SLC12A2: variants seen among roughly 807,000 people sequenced by gnomAD.
The protein encoded by SLC12A2 is solute carrier family 12 member 2, also known as Na-K-2Cl cotransporter 1.
A neutral mutation model predicts 136.3 loss-of-function variants in SLC12A2; 67 were observed. That is an observed-to-expected ratio of 0.49 (90% CI 0.40 to 0.60). The LOEUF (loss-of-function observed/expected upper bound fraction) is 0.60. SLC12A2 is among the 20% of genes least tolerant of loss of function. The pLI, the probability that SLC12A2 is intolerant of heterozygous loss-of-function variation, is 0.00. For missense variants in SLC12A2, 1,322 were observed against 1,534.7 expected, an observed-to-expected ratio of 0.86 and a Z score of 2.32; for synonymous variants, 619 against 562.9, an observed-to-expected ratio of 1.10 and a Z score of -1.41.
At chr5:128,103,167 T>A (rs1760806731) in intron 1 of SLC12A2, among the ~76,000 whole-genome samples, 1 of 152,218 alleles carries the variant, frequency 6.6e-6, no homozygotes, top group African/African-American at 2.4e-5. Context: ...ATGCCCAAAC[T>A]TTTCTTTCAG....
intron 11 of SLC12A2, among the ~76,000 whole-genome samples, chr5:128,147,966 G>A (rs1048331291): frequency 1.3e-5 from 2 of 151,556 alleles, no homozygotes; most frequent in Admixed American, 6.6e-5. Flanking sequence ...CTTTTTAGAA[G>A]TGCTGATGGA....
intron 8 of SLC12A2, 39 bp downstream of exon 8, chr5:128,138,763 A>T: frequency 6.3e-7 from 1 of 1,599,954 alleles, no homozygotes; most frequent in Non-Finnish European, 8.5e-7. Context: ...ATATATTTTA[A>T]AAGTGGAATT....
intron 5 of SLC12A2, 91 bp downstream of exon 5, chr5:128,131,297 A>T (rs968813277): frequency 1.8e-5 from 23 of 1,255,130 alleles, no homozygotes; most frequent in Non-Finnish European, 2.5e-5. Context: ...GAAAGCAGTG[A>T]TATGATGACC....
At chr5:128,158,716 C>T (rs1762940256) in intron 16 of SLC12A2, among the ~76,000 whole-genome samples, 1 of 152,134 alleles carries the variant, frequency 6.6e-6, no homozygotes. Context: ...TGGATATATA[C>T]CCAATAATGG....
chr5:128,097,106 C>T (rs895505665), intron 1 of SLC12A2, among the ~76,000 whole-genome samples: 1 of 151,994 alleles, frequency 6.6e-6, no homozygotes, highest in African/African-American at 2.4e-5. Flanking sequence ...TTTTAAGAGT[C>T]TGAGGATTAA....
At chr5:128,102,468 T>A (rs1199121207) in intron 1 of SLC12A2, among the ~76,000 whole-genome samples, 1 of 152,054 alleles carries the variant, frequency 6.6e-6, no homozygotes, top group Non-Finnish European at 1.5e-5. Flanking sequence ...ATTAGTCAGT[T>A]TTTCCTGCTT....
chr5:128,165,293 A>G (rs1763166439), intron 17 of SLC12A2, among the ~76,000 whole-genome samples: 1 of 152,208 alleles, frequency 6.6e-6, no homozygotes, highest in Admixed American at 6.5e-5. Flanking sequence ...GGCAATAGCC[A>G]CCTGATTGTC....
intron 6 of SLC12A2, 33 bp from the exon 7 acceptor site, chr5:128,135,667 C>T (rs762117057): frequency 2.3e-6 from 3 of 1,310,756 alleles, no homozygotes. Flanking sequence ...AAACAAGATA[C>T]TTGATTTTAA....
chr5:128,175,195 C>T (rs1439034625), intron 20 of SLC12A2, among the ~76,000 whole-genome samples: 3 of 152,074 alleles, frequency 2.0e-5, no homozygotes, highest in Non-Finnish European at 4.4e-5. Flanking sequence ...CTGTAACATA[C>T]TTTTGATTCC....
At position 128,159,830 on chromosome 5, in the gene SLC12A2, C is replaced by T. The variant is rs529865203; in HGVS notation, c.2475+1666C>T. On this transcript the variant is annotated intron_variant, in intron 16 of 26. Coordinates refer to ENST00000262461, the MANE Select transcript of SLC12A2 (RefSeq NM_001046.3). The stretch of plus-strand genomic sequence containing the variant: ...TCAACCATTGTGGAAGACAGCGTGG[C>T]GATTCCTCAAGGATCTAGAACTAGA... Among the ~76,000 whole-genome samples the T allele has an allele frequency of 9.0e-4, 137 of 152,196 alleles. 1 individual carries two copies. The highest frequency in any genetic ancestry group is 3.2e-3 in the African/African-American group (131 of 41,532).
intron 4 of SLC12A2, among the ~76,000 whole-genome samples, chr5:128,119,624 G>C (rs1302841520): frequency 6.6e-6 from 1 of 152,114 alleles, no homozygotes; most frequent in Non-Finnish European, 1.5e-5. Flanking sequence ...GGTTACTGTA[G>C]CTTTGTAGTA....
At chr5:128,131,946 G>A (rs192182470) in intron 5 of SLC12A2, among the ~76,000 whole-genome samples, 216 of 152,254 alleles carry the variant, frequency 1.4e-3, no homozygotes, top group Non-Finnish European at 2.4e-3. Context: ...CAAAGGTTGC[G>A]GTGAGCCGAG....
chr5:128,178,512 A>G, intron 21 of SLC12A2, 55 bp from the exon 22 acceptor site: 1 of 1,360,416 alleles, frequency 7.4e-7, no homozygotes, highest in Non-Finnish European at 9.8e-7. Flanking sequence ...GAATTCAGCA[A>G]AAGGGACTTT....
intron 26 of SLC12A2, among the ~76,000 whole-genome samples, chr5:128,186,120 T>C (rs1763860326): frequency 6.6e-6 from 1 of 152,184 alleles, no homozygotes; most frequent in Non-Finnish European, 1.5e-5. Flanking sequence ...ATGCTTACCA[T>C]CGTGTTACAG....
chr5:128,176,151 G>A (rs939869695), intron 20 of SLC12A2, among the ~76,000 whole-genome samples: 15 of 152,018 alleles, frequency 9.9e-5, no homozygotes, highest in African/African-American at 3.6e-4. Flanking sequence ...CATGCAAGAA[G>A]TCAAAAAGAA....
intron 1 of SLC12A2, among the ~76,000 whole-genome samples, chr5:128,093,601 A>T (rs1760417836): frequency 6.6e-6 from 1 of 152,142 alleles, no homozygotes; most frequent in South Asian, 2.1e-4. Flanking sequence ...GAAACCTATG[A>T]GTCATCCTTG....
intron 1 of SLC12A2, among the ~76,000 whole-genome samples, chr5:128,106,198 A>G (rs773054101): frequency 2.0e-5 from 3 of 152,206 alleles, no homozygotes; most frequent in African/African-American, 4.8e-5. Context: ...TATGTTGCCA[A>G]TTTCTACTTT....
Position 128,084,231 on chromosome 5 carries a change from G to A in SLC12A2, c.277G>A (p.Ala93Thr). 2 of 1,277,168 alleles carry A rather than the reference G, an allele frequency of 1.6e-6. No individual in the cohort carries two copies. The highest frequency in any genetic ancestry group is 2.0e-6 in the Non-Finnish European group (2 of 1,022,120). 79.1% of individuals were successfully genotyped at this position (1,277,168 alleles called of 1,614,324 possible). Residue 93 changes from alanine to threonine, a missense_variant, in exon 1 of 27, where the codon GCC (alanine) becomes ACC (threonine). By Grantham distance (58) the Ala-to-Thr change is moderately conservative. This residue lies in a region of SLC12A2 where 358 missense variants were observed against 299.7 expected (regional missense o/e 1.19). Transcript: ENST00000262461. This position sits in a 1 kb window ranked among gnomAD's most constrained non-coding sequence, Gnocchi z 5.6. ...CCTGGTTTCCGAGAACGCCGGGCGG[G>A]CCGCTGCTGCGGCGGCGGCGGCGGC... ...VDLVSENAGRAAAAAAAAAAA... is the reference protein window; with the variant it reads ...VDLVSENAGRTAAAAAAAAAA...
chr5:128,158,300 A>G, intron 16 of SLC12A2, 136 bp downstream of exon 16: 1 of 668,854 alleles, frequency 1.5e-6, no homozygotes, highest in Non-Finnish European at 2.5e-6. Flanking sequence ...TTTGTCACCC[A>G]GGTAATAAGC....
Sources: allele counts gnomAD v4.1 joint callset (sites outside exome capture counted in the v4.1 genomes callset), GRCh38; gene constraint gnomAD v4.1.1; regional missense constraint gnomAD v4.1.1; non-coding constraint Gnocchi (gnomAD v3.1); transcripts MANE v1.5; gene names NCBI Gene and HGNC (gene_info 2026-07-23, HGNC 2026-07-21).